RPF1: variants seen among roughly 807,000 people sequenced by gnomAD.
RPF1 encodes the protein ribosome production factor 1 homolog.
In RPF1, 34 loss-of-function variants were observed where a neutral mutation model predicts 41.9. The ratio of observed to expected loss-of-function variants is 0.81; its 90% confidence interval spans 0.62 to 1.08. The LOEUF is 1.08. RPF1 is among the 50% of genes least tolerant of loss of function. The pLI, the probability that RPF1 is intolerant of heterozygous loss-of-function variation, is 0.00. For missense variants in RPF1, 425 were observed against 435.2 expected (o/e 0.98, Z 0.21); for synonymous variants, 140 against 148.9 (o/e 0.94, Z 0.43).
In RPF1 at chr1:84,479,523, G is replaced by T; in HGVS notation, c.228+14G>T. The T allele has an allele frequency of 6.2e-7, 1 of 1,611,266 alleles. No homozygotes were observed. The highest frequency in any genetic ancestry group is 8.5e-7 in the Non-Finnish European group (1 of 1,177,894). On this transcript the variant is annotated intron_variant, in intron 1 of 8. Coordinates refer to ENST00000370654, the MANE Select transcript of RPF1 (RefSeq NM_025065.7). ...CAGCAGCGGAAGGTACGCGAGAGGC[G>T]GGGGCTGCCGGGCGCTTGCGCGTTG...
At chr1:84,495,853 G>T (rs1266484620) in intron 6 of RPF1, 29 bp from the exon 7 acceptor site, 8 of 1,425,860 alleles carry the variant, frequency 5.6e-6, no homozygotes, top group Non-Finnish European at 6.8e-6. Context: ...TTAGCCCATT[G>T]TGATATTTAT....
chr1:84,479,945 A>G (rs896396616), intron 1 of RPF1, among the ~76,000 whole-genome samples: 1 of 152,208 alleles, frequency 6.6e-6, no homozygotes, highest in Admixed American at 6.5e-5. Flanking sequence ...CCTTACCGAA[A>G]TTAGTACTGT....
Position 84,479,317 on chromosome 1 carries a change from G to T in RPF1, c.36G>T (p.Gly12=). Residue 12 remains glycine, a synonymous_variant, in exon 1 of 9, where the codon GGG becomes GGT. Transcript: ENST00000370654. ...AKAGDKSSSS[G]KKSLKRKAAA... Reference sequence around the variant, plus strand: ...CCGGGGATAAGAGCAGCAGCAGCGGGAAGAAAAGTCTAAAACGGAAAGCCG... The same window carrying T: ...CCGGGGATAAGAGCAGCAGCAGCGGTAAGAAAAGTCTAAAACGGAAAGCCG... 6.2e-7 allele frequency: 1 copy of T among 1,609,672 alleles called. No individual in the cohort carries two copies. Among genetic ancestry groups the T allele is most frequent in the South Asian group, 1.1e-5 (1 of 90,788 alleles).
intron 3 of RPF1, among the ~76,000 whole-genome samples, chr1:84,484,292 C>T (rs1369674542): frequency 6.6e-6 from 1 of 152,052 alleles, no homozygotes; most frequent in Non-Finnish European, 1.5e-5. Flanking sequence ...GCAGACATGG[C>T]GCCCCTTTAT....
intron 1 of RPF1, among the ~76,000 whole-genome samples, chr1:84,479,736 T>C (rs1470171544): frequency 1.3e-5 from 2 of 152,182 alleles, no homozygotes; most frequent in Non-Finnish European, 2.9e-5. Context: ...CTTGATAGGC[T>C]CTTTCCTGGG....
rs1285678606 is a variant in RPF1, at chr1:84,484,477, CTT to C, written c.366+1484_366+1485del. Among the ~76,000 whole-genome samples, 7 of 150,966 alleles carry C rather than the reference CTT, an allele frequency of 4.6e-5. No individual in the cohort carries two copies. The East Asian group carries it at 1.4e-3, about 29-fold the overall frequency. ...GGTCATACATTCCATTGTAATTACT[CTT>C]TAACTTCCTTAAATTTAGAACAATT... On this transcript the variant is annotated intron_variant, in intron 3 of 8. Transcript: ENST00000370654.
Position 84,480,945 on chromosome 1 carries a change from TA to T in RPF1, c.229-9del. The T allele has an allele frequency of 6.8e-7, 1 of 1,473,582 alleles. No homozygotes were observed. Among genetic ancestry groups the T allele is most frequent in the Non-Finnish European group, 9.5e-7 (1 of 1,057,972 alleles). The allele number at this position is 1,473,582 out of a possible 1,614,324, so 91.3% of individuals were successfully genotyped here. A position where few individuals can be genotyped will look rare whatever the true frequency, so the allele number is the denominator to read the frequency against. On this transcript the variant is annotated splice_polypyrimidine_tract_variant and intron_variant, in intron 1 of 8. Transcript: ENST00000370654. ...TTCTCAGTATTGTTCTCTTTTTTTTTAACCCTTTAGGAAAAGTTGGCAGCTA... is the reference window on the plus strand; with the variant it reads ...TTCTCAGTATTGTTCTCTTTTTTTTTACCCTTTAGGAAAAGTTGGCAGCTA...
chr1:84,481,586 G>T (rs1020852486), intron 2 of RPF1, among the ~76,000 whole-genome samples: 1 of 152,144 alleles, frequency 6.6e-6, no homozygotes, highest in African/African-American at 2.4e-5. Context: ...GTGGGAGGAC[G>T]GTGAGGATTA....
intron 1 of RPF1, among the ~76,000 whole-genome samples, chr1:84,480,335 G>A (rs1041862230): frequency 2.6e-5 from 4 of 152,136 alleles, no homozygotes; most frequent in Non-Finnish European, 5.9e-5. Flanking sequence ...GTGGATTGAG[G>A]ATCAGTAGGT....
chr1:84,487,293 C>T (rs1444953624), intron 3 of RPF1, among the ~76,000 whole-genome samples: 2 of 152,218 alleles, frequency 1.3e-5, no homozygotes, highest in Non-Finnish European at 2.9e-5. Flanking sequence ...TGCTCATCCA[C>T]ATTCTAACCA....
At chr1:84,479,826 G>A (rs184914218) in intron 1 of RPF1, among the ~76,000 whole-genome samples, 95 of 152,350 alleles carry the variant, frequency 6.2e-4, no homozygotes, top group African/African-American at 2.2e-3. Flanking sequence ...GAAGGCAAAA[G>A]TCTCAGCCCT....
chr1:84,486,461 A>G (rs563211314), intron 3 of RPF1, among the ~76,000 whole-genome samples: 24 of 151,842 alleles, frequency 1.6e-4, no homozygotes, highest in Non-Finnish European at 2.8e-4. Context: ...GGTGGCGGGC[A>G]CCTGTAGTCC....
chr1:84,482,959 G>T lies in RPF1; in HGVS notation c.330G>T (p.Val110=). ...CCAAGACCATTGACAACCAGCGAGT[G>T]TATGATGAAACCACAGTAGACCCTA... ...PVPKTIDNQR[V]YDETTVDPND... is the part of the protein sequence containing the mutation. Residue 110 remains valine (V), a synonymous_variant, in exon 3 of 9, where the codon GTG becomes GTT. Transcript: ENST00000370654. 1 of 1,612,006 alleles carries T rather than the reference G, an allele frequency of 6.2e-7. No homozygotes were observed. The highest frequency in any genetic ancestry group is 1.3e-5 in the African/African-American group (1 of 74,982).
intron 8 of RPF1, 148 bp downstream of exon 8, chr1:84,496,518 G>A (rs113440404): frequency 0.013 from 6,583 of 526,056 alleles, 101 homozygotes; most frequent in African/African-American, 0.049. Flanking sequence ...ACTATAGCAC[G>A]TTTACCTATG....
intron 2 of RPF1, among the ~76,000 whole-genome samples, chr1:84,481,239 T>C (rs1263639279): frequency 6.6e-6 from 1 of 152,246 alleles, no homozygotes; most frequent in Non-Finnish European, 1.5e-5. Flanking sequence ...TGCTTTTCCC[T>C]CCGAAGATAA....
In RPF1 at chr1:84,490,325, G is replaced by A. The variant is rs764068254; in HGVS notation, c.469G>A (p.Val157Ile). The change falls in exon 5 of 9, where the codon GTA becomes ATA. Residue 157 changes from valine (V) to isoleucine (I), a missense_variant. Coordinates refer to ENST00000370654, the MANE Select transcript of RPF1 (RefSeq NM_025065.7). The stretch of plus-strand genomic sequence containing the variant: ...TTGTTATTTTGTTTTGCAGAGAACA[G>A]TACGACTCTGTGAACAGCTCTCCAC... ...TTSDRPHGRT[V>I]RLCEQLSTVI... 6.3e-7 allele frequency: 1 copy of A among 1,586,052 alleles called. No individual in the cohort carries two copies. The highest frequency in any genetic ancestry group is 8.5e-7 in the Non-Finnish European group (1 of 1,170,812).
chr1:84,482,658 C>G (rs1413972895), intron 2 of RPF1, among the ~76,000 whole-genome samples: 2 of 150,284 alleles, frequency 1.3e-5, no homozygotes. Flanking sequence ...CTCCTTGTTA[C>G]TTCTGCACAG....
intron 3 of RPF1, among the ~76,000 whole-genome samples, chr1:84,483,773 T>G (rs1351447529): frequency 2.0e-5 from 3 of 152,236 alleles, no homozygotes; most frequent in Non-Finnish European, 2.9e-5. Context: ...TTTAAAAGTT[T>G]TGTAAAGGAA....
At chr1:84,495,696 A>G (rs1174434208) in intron 6 of RPF1, among the ~76,000 whole-genome samples, 186 bp from the exon 7 acceptor site, 1 of 152,202 alleles carries the variant, frequency 6.6e-6, no homozygotes, top group African/African-American at 2.4e-5. Context: ...TGTTGCATTC[A>G]GTGCATATTA....
Sources: allele counts gnomAD v4.1 joint callset (sites outside exome capture counted in the v4.1 genomes callset), GRCh38; gene constraint gnomAD v4.1.1; transcripts MANE v1.5; gene names NCBI Gene and HGNC (gene_info 2026-07-23, HGNC 2026-07-21).